Variants in VDAC1 observed in about 807,000 individuals in gnomAD.
VDAC1 encodes the protein voltage dependent anion channel 1.
In VDAC1, 10 loss-of-function variants were observed where a neutral mutation model predicts 34.7. The ratio of observed to expected loss-of-function variants is 0.29; its 90% CI spans 0.18 to 0.49. The LOEUF (loss-of-function observed/expected upper bound fraction) is 0.49. Among genes scored for constraint, VDAC1 ranks in the 20% least tolerant of loss-of-function variants. The pLI, the probability that VDAC1 is intolerant of heterozygous loss-of-function variation, is 0.99. For synonymous variants in VDAC1, 130 were observed against 136.0 expected (o/e 0.96, Z 0.30); for missense variants, 230 against 347.9 (o/e 0.66, Z 2.69).
intron 5 of VDAC1, among the ~76,000 whole-genome samples, chr5:133,985,744 T>A (rs1752885998): frequency 6.6e-6 from 1 of 152,350 alleles, no homozygotes; most frequent in South Asian, 2.1e-4. Context: ...ACCAGGCTGG[T>A]TGAGATGACT....
At chr5:134,102,504 A>C in the VDAC1 span, among the ~76,000 whole-genome samples, 4 of 152,162 alleles carry the variant, frequency 2.6e-5, no homozygotes, top group South Asian at 8.3e-4. Flanking sequence ...CCCCGTCTCT[A>C]CTAAAAATAC....
intron 6 of VDAC1, among the ~76,000 whole-genome samples, chr5:133,977,004 A>T (rs1752507972): frequency 6.6e-6 from 1 of 152,240 alleles, no homozygotes; most frequent in Non-Finnish European, 1.5e-5. Context: ...AGATCTCACC[A>T]CTGCACTCCA....
chr5:134,093,355 A>G, the VDAC1 span, among the ~76,000 whole-genome samples: 35 of 145,906 alleles, frequency 2.4e-4, no homozygotes, highest in East Asian at 6.0e-3. Flanking sequence ...ACACACGCAT[A>G]TAAGTGTGTG....
At chr5:134,031,331 A>T in the VDAC1 span, among the ~76,000 whole-genome samples, 1 of 152,214 alleles carries the variant, frequency 6.6e-6, no homozygotes, top group Non-Finnish European at 1.5e-5. Context: ...GGTAGACTAA[A>T]TACTGACCCC....
chr5:134,110,022 C>T, the VDAC1 span, among the ~76,000 whole-genome samples: 2 of 152,186 alleles, frequency 1.3e-5, no homozygotes, highest in African/African-American at 4.8e-5. Context: ...TAGACTCCTT[C>T]CTGGGGAAAT....
At chr5:133,982,023 T>C (rs894161495) in intron 5 of VDAC1, among the ~76,000 whole-genome samples, 5 of 152,154 alleles carry the variant, frequency 3.3e-5, no homozygotes, top group Non-Finnish European at 7.4e-5. Flanking sequence ...CTACAGATCT[T>C]AGGCAGGAAA....
the VDAC1 span, among the ~76,000 whole-genome samples, chr5:134,051,826 G>C: frequency 6.6e-6 from 1 of 151,904 alleles, no homozygotes; most frequent in Non-Finnish European, 1.5e-5. Context: ...AGCCTCCCGA[G>C]TATCTGGGAT....
At chr5:133,978,070 G>A (rs981711420) in intron 6 of VDAC1, among the ~76,000 whole-genome samples, 1 of 151,956 alleles carries the variant, frequency 6.6e-6, no homozygotes, top group Non-Finnish European at 1.5e-5. Flanking sequence ...CAGAGCCCAC[G>A]TACTTTGGAA....
At chr5:134,021,195 T>A in the VDAC1 span, among the ~76,000 whole-genome samples, 11 of 151,640 alleles carry the variant, frequency 7.3e-5, no homozygotes, top group African/African-American at 1.2e-4. Context: ...TCTTTTTTTT[T>A]TTATTATTAT....
the VDAC1 span, among the ~76,000 whole-genome samples, chr5:134,075,875 G>A: frequency 3.3e-5 from 5 of 151,156 alleles, no homozygotes; most frequent in East Asian, 2.0e-4. Flanking sequence ...GTGAGCCACC[G>A]TGCCCGGCCC....
the VDAC1 span, among the ~76,000 whole-genome samples, chr5:134,100,176 G>A: frequency 2.6e-5 from 4 of 152,232 alleles, no homozygotes; most frequent in Non-Finnish European, 5.9e-5. Context: ...CTAAGTGCCA[G>A]GAGTATAGAC....
the VDAC1 span, among the ~76,000 whole-genome samples, chr5:134,110,330 A>T: frequency 6.6e-6 from 1 of 152,196 alleles, no homozygotes. Context: ...CCCACAGAAG[A>T]GTCCTTCCTT....
chr5:133,990,159 G>C (rs1753049548), intron 5 of VDAC1, among the ~76,000 whole-genome samples: 1 of 152,240 alleles, frequency 6.6e-6, no homozygotes, highest in African/African-American at 2.4e-5. Context: ...CATGCCAAGT[G>C]ATGGTCAAGA....
chr5:134,044,629 G>T, the VDAC1 span, among the ~76,000 whole-genome samples: 17 of 152,154 alleles, frequency 1.1e-4, no homozygotes, highest in South Asian at 1.5e-3. Context: ...ATAACTGTGT[G>T]TGTGTGTGCA....
At chr5:134,093,704 C>CA in the VDAC1 span, among the ~76,000 whole-genome samples, 1 of 152,216 alleles carries the variant, frequency 6.6e-6, no homozygotes, top group Non-Finnish European at 1.5e-5. Flanking sequence ...CGATCAGGCT[C>CA]AAAGCAGTGG....
the VDAC1 span, among the ~76,000 whole-genome samples, chr5:134,070,398 G>A: frequency 2.0e-5 from 3 of 151,986 alleles, no homozygotes; most frequent in African/African-American, 2.4e-5. Context: ...TGCCCATCTC[G>A]GCCTCCCAAA....
At chr5:134,005,445 C>T (rs933362263), upstream of VDAC1, 2 of 152,386 alleles carry the variant, frequency 1.3e-5, no homozygotes, top group Admixed American at 6.5e-5. Context: ...AGAGAAAACC[C>T]CTGTGCGCCG....
intron 1 of VDAC1, among the ~76,000 whole-genome samples, chr5:133,999,697 G>T (rs190457287): frequency 6.6e-6 from 1 of 152,130 alleles, no homozygotes; most frequent in Non-Finnish European, 1.5e-5. Context: ...AGGCCTCAGG[G>T]TGTTAACAGA....
chr5:134,007,157 T>C (rs371052922), upstream of VDAC1, among the ~76,000 whole-genome samples: 16 of 151,968 alleles, frequency 1.1e-4, no homozygotes, highest in East Asian at 2.9e-3. Context: ...GGCAGGAGAA[T>C]TGCTTGAACC....
Sources: gnomAD v4.1 joint callset for allele counts (sites outside exome capture counted in the v4.1 genomes callset) on GRCh38, gnomAD v4.1.1 for gene constraint, MANE v1.5 for transcripts, NCBI Gene and HGNC (gene_info 2026-07-23, HGNC 2026-07-21) for gene names.